PCDH15: variants seen among roughly 807,000 people sequenced by gnomAD.
PCDH15 encodes the protein protocadherin-15.
In PCDH15, 129 loss-of-function variants were observed where a neutral mutation model predicts 178.5. That is an observed-to-expected ratio of 0.72 (90% confidence interval 0.63 to 0.84). The LOEUF is 0.84. Ranked by LOEUF, PCDH15 falls within the 40% of genes least tolerant of loss-of-function variation. The pLI, the probability that PCDH15 is intolerant of heterozygous loss-of-function variation, is 0.00. For missense variants in PCDH15, 2,230 were observed against 2,099.9 expected (o/e 1.06, Z -1.21); for synonymous variants, 800 against 732.0 (o/e 1.09, Z -1.50).
chr10:53,929,783 A>G (rs1418485994), intron 25 of PCDH15, among the ~76,000 whole-genome samples: 1 of 152,170 alleles, frequency 6.6e-6, no homozygotes, highest in East Asian at 1.9e-4. Flanking sequence ...TTTATTCCTG[A>G]TTGAAAGTCT....
chr10:54,833,516 T>C (rs1239177026), intron 3 of PCDH15, among the ~76,000 whole-genome samples: 1 of 152,160 alleles, frequency 6.6e-6, no homozygotes, highest in Non-Finnish European at 1.5e-5. Flanking sequence ...AATGAAACCT[T>C]TCCTGAATTT....
At chr10:53,897,497 C>A (rs560025161) in intron 26 of PCDH15, among the ~76,000 whole-genome samples, 2 of 151,530 alleles carry the variant, frequency 1.3e-5, no homozygotes, top group East Asian at 1.9e-4. Context: ...AAAAGTGATG[C>A]CCTCTCTCCT....
At chr10:54,242,634 G>T (rs929593783) in intron 8 of PCDH15, among the ~76,000 whole-genome samples, 9 of 151,922 alleles carry the variant, frequency 5.9e-5, no homozygotes, top group African/African-American at 2.2e-4. Flanking sequence ...ATGACATTTC[G>T]CAGACTGATT....
chr10:54,466,916 G>T (rs1055115342), intron 3 of PCDH15, among the ~76,000 whole-genome samples: 7 of 151,834 alleles, frequency 4.6e-5, no homozygotes, highest in African/African-American at 1.7e-4. Context: ...TATTGTAGCT[G>T]TTGTAAATGG....
chr10:54,528,283 TAGAG>T (rs2083556183), intron 2 of PCDH15: 1 of 1,110,348 alleles, frequency 9.0e-7, no homozygotes. Context: ...AGGGTCTAAT[TAGAG>T]AGAGTGAATA....
At chr10:54,189,472 C>T (rs1343098463) in intron 11 of PCDH15, 8 of 828,988 alleles carry the variant, frequency 9.7e-6, no homozygotes, top group Non-Finnish European at 1.2e-5. Flanking sequence ...ACTTCCAGCA[C>T]ACTAGACTGA....
chr10:53,925,216 C>T (rs7908973), intron 25 of PCDH15, among the ~76,000 whole-genome samples: 19,636 of 152,062 alleles, frequency 0.13, 2,446 homozygotes, highest in East Asian at 0.62. Context: ...TAACACTCAC[C>T]GCGAAGGTCT....
intron 17 of PCDH15, among the ~76,000 whole-genome samples, chr10:54,075,110 G>A (rs1230080776): frequency 6.6e-6 from 1 of 152,084 alleles, no homozygotes; most frequent in Non-Finnish European, 1.5e-5. Context: ...GGGCGTGGTG[G>A]CTCACACCTG....
intron 2 of PCDH15, among the ~76,000 whole-genome samples, chr10:55,060,359 G>A (rs570465696): frequency 1.1e-3 from 167 of 152,100 alleles, no homozygotes; most frequent in Middle Eastern, 6.8e-3. Context: ...GTTTAGGTTT[G>A]AAAACTGAAG....
At chr10:53,990,366 A>C (rs1019389933) in intron 21 of PCDH15, among the ~76,000 whole-genome samples, 2 of 151,892 alleles carry the variant, frequency 1.3e-5, no homozygotes, top group African/African-American at 2.4e-5. Context: ...GAGAATACTA[A>C]GTATTTGGGA....
chr10:53,990,326 T>TTATATATA (rs1220697510), intron 21 of PCDH15, among the ~76,000 whole-genome samples: 6 of 149,800 alleles, frequency 4.0e-5, no homozygotes, highest in Admixed American at 2.0e-4. Context: ...GATTTTCTCT[T>TTATATATA]TATATATATA....
intron 2 of PCDH15, chr10:55,627,615 C>G (rs545111436): frequency 3.3e-5 from 5 of 152,136 alleles, no homozygotes; most frequent in Non-Finnish European, 4.4e-5. Context: ...GATCCCACCC[C>G]CTTGCCTACC....
At chr10:55,263,583 C>G (rs1309470479) in intron 1 of PCDH15, among the ~76,000 whole-genome samples, 1 of 152,046 alleles carries the variant, frequency 6.6e-6, no homozygotes, top group Non-Finnish European at 1.5e-5. Flanking sequence ...GGCCAATAGA[C>G]GGGCTCTTCT....
At chr10:53,836,176 C>G (rs544535009) in intron 29 of PCDH15, among the ~76,000 whole-genome samples, 30 of 152,246 alleles carry the variant, frequency 2.0e-4, no homozygotes, top group African/African-American at 7.0e-4. Flanking sequence ...TAGAGGTCTA[C>G]TATGGATTGA....
chr10:55,340,846 G>T (rs928099253), intron 2 of PCDH15, among the ~76,000 whole-genome samples: 3 of 151,886 alleles, frequency 2.0e-5, no homozygotes, highest in African/African-American at 7.2e-5. Context: ...TGGATTTATT[G>T]TGCCTAATAA....
intron 3 of PCDH15, among the ~76,000 whole-genome samples, chr10:54,893,618 A>G (rs762477409): frequency 4.6e-5 from 7 of 152,238 alleles, no homozygotes; most frequent in Middle Eastern, 3.4e-3. Flanking sequence ...TAAAACAATA[A>G]AATTTTAATC....
intron 11 of PCDH15, among the ~76,000 whole-genome samples, chr10:54,193,597 G>C (rs987902008): frequency 9.9e-5 from 15 of 152,076 alleles, no homozygotes; most frequent in African/African-American, 3.4e-4. Context: ...TTTTCTAGTG[G>C]GGATTCAGTA....
intron 1 of PCDH15, among the ~76,000 whole-genome samples, chr10:55,280,789 T>C (rs1021748355): frequency 6.6e-6 from 1 of 152,194 alleles, no homozygotes; most frequent in Non-Finnish European, 1.5e-5. Flanking sequence ...CATTTATAAA[T>C]TGTCCTTTTC....
rs553815671 is a variant in PCDH15 at position 54,741,661 on chromosome 10, C to T, written c.-29+59264G>A. Among the ~76,000 whole-genome samples the T allele has an allele frequency of 6.6e-5, 10 of 152,084 alleles. No individual in the cohort carries two copies. The South Asian group carries it at 2.1e-3, about 32-fold the overall frequency. The stretch of plus-strand genomic sequence containing the variant: ...TTTATCTGTAGGCTTGAGGCAGAAT[C>T]CATTTATTTGCCTTTTCTAGCTTCC... On this transcript the variant is annotated intron_variant, in intron 1 of 37. Transcript: ENST00000644397.
Sources: gnomAD v4.1 joint callset for allele counts (sites outside exome capture counted in the v4.1 genomes callset) on GRCh38, gnomAD v4.1.1 for gene constraint, MANE v1.5 for transcripts, NCBI Gene and HGNC (gene_info 2026-07-23, HGNC 2026-07-21) for gene names.